The following ADGRL3 variants were observed in gnomAD, a reference collection of about 807,000 sequenced individuals.
ADGRL3 encodes the protein calcium-independent alpha-latrotoxin receptor 3.
A neutral mutation model predicts 153.5 loss-of-function variants in ADGRL3; 62 were observed. The ratio of observed to expected loss-of-function variants is 0.40; its 90% CI spans 0.33 to 0.50. The LOEUF is 0.50. ADGRL3 is among the 20% of genes least tolerant of loss of function. The pLI is 0.47. For missense variants in ADGRL3, 1,641 were observed against 1,859.4 expected, an observed-to-expected ratio of 0.88 and a Z score of 2.16; for synonymous variants, 710 against 672.5, an observed-to-expected ratio of 1.06 and a Z score of -0.86.
intron 8 of ADGRL3, among the ~76,000 whole-genome samples, chr4:61,761,694 CTG>C (rs2096914411): frequency 6.6e-6 from 1 of 152,182 alleles, no homozygotes; most frequent in Non-Finnish European, 1.5e-5. Context: ...CATTGAAAGA[CTG>C]AGATAGAAGG....
At chr4:61,664,678 A>G (rs1234059775) in intron 5 of ADGRL3, among the ~76,000 whole-genome samples, 1 of 152,222 alleles carries the variant, frequency 6.6e-6, no homozygotes, top group Non-Finnish European at 1.5e-5. Flanking sequence ...CTCATATCAT[A>G]TACATTTAAA....
intron 25 of ADGRL3, among the ~76,000 whole-genome samples, chr4:62,048,904 T>C (rs1176004288): frequency 1.3e-5 from 2 of 152,076 alleles, no homozygotes; most frequent in Admixed American, 1.3e-4. Context: ...GATCCAAAAA[T>C]GAAATGTTTA....
At chr4:61,760,019 T>G (rs761347708) in intron 8 of ADGRL3, among the ~76,000 whole-genome samples, 1 of 152,164 alleles carries the variant, frequency 6.6e-6, no homozygotes, top group Non-Finnish European at 1.5e-5. Context: ...GCTGCCTGAT[T>G]GTTCCTCTGG....
At chr4:61,874,534 G>A (rs2098462932) in intron 9 of ADGRL3, among the ~76,000 whole-genome samples, 1 of 151,772 alleles carries the variant, frequency 6.6e-6, no homozygotes, top group African/African-American at 2.4e-5. Context: ...ATCAGCAAGA[G>A]GGGCCACTCT....
intron 17 of ADGRL3, among the ~76,000 whole-genome samples, chr4:61,971,252 A>C (rs1015531195): frequency 1.3e-5 from 2 of 151,718 alleles, no homozygotes; most frequent in Non-Finnish European, 2.9e-5. Context: ...GGTGTGCTGC[A>C]CCCATTAACT....
In ADGRL3 at chr4:61,723,627, C is replaced by T. The variant is rs549265509; in HGVS notation, c.584-6995C>T. Among the ~76,000 whole-genome samples, 5 of 152,168 alleles carry T rather than the reference C, an allele frequency of 3.3e-5. No homozygotes were observed. In the South Asian group the frequency reaches 8.3e-4, roughly 25 times the overall value. ...ACCTTAGCCATTTAATGTACAGATG[C>T]AGGTCGCCATGATGTCTTGCACAGG... On this transcript the variant is annotated intron_variant, in intron 6 of 26. Coordinates refer to ENST00000683033, the MANE Select transcript of ADGRL3 (RefSeq NM_001387552.1).
chr4:61,819,422 A>T (rs943061014), intron 9 of ADGRL3, among the ~76,000 whole-genome samples: 1 of 152,054 alleles, frequency 6.6e-6, no homozygotes, highest in Non-Finnish European at 1.5e-5. Flanking sequence ...CGTATTGAAA[A>T]TATGAGCAAC....
chr4:61,788,125 G>C (rs953976529), intron 8 of ADGRL3, among the ~76,000 whole-genome samples: 1 of 152,126 alleles, frequency 6.6e-6, no homozygotes, highest in Non-Finnish European at 1.5e-5. Flanking sequence ...GAACAACCTT[G>C]CCCTAAGAAA....
At chr4:61,867,783 C>T (rs751853115) in intron 9 of ADGRL3, among the ~76,000 whole-genome samples, 1 of 151,774 alleles carries the variant, frequency 6.6e-6, no homozygotes, top group African/African-American at 2.4e-5. Context: ...CTAGAGGCCA[C>T]TTAAGCCATC....
chr4:61,274,855 A>G (rs2093385669), intron 1 of ADGRL3, among the ~76,000 whole-genome samples: 1 of 152,100 alleles, frequency 6.6e-6, no homozygotes, highest in African/African-American at 2.4e-5. Flanking sequence ...GATGGAGCCC[A>G]GAAGATCAAG....
At chr4:61,241,381 G>T (rs968018834) in intron 1 of ADGRL3, among the ~76,000 whole-genome samples, 6 of 151,906 alleles carry the variant, frequency 3.9e-5, no homozygotes, top group African/African-American at 1.4e-4. Context: ...TAGGATTTTT[G>T]ACTTTATCAG....
At chr4:61,391,303 G>T (rs187096475) in intron 2 of ADGRL3, among the ~76,000 whole-genome samples, 1 of 151,944 alleles carries the variant, frequency 6.6e-6, no homozygotes, top group Admixed American at 6.6e-5. Context: ...AGACACAGGT[G>T]GGGGTGGTGC....
At position 61,516,691 on chromosome 4, in the gene ADGRL3, G is replaced by A. The variant is rs560691367; in HGVS notation, c.56-624G>A. 3.9e-5 allele frequency among the ~76,000 whole-genome samples: 6 copies of A among 152,124 alleles called. No individual in the cohort carries two copies. The South Asian group carries it at 1.2e-3, about 32-fold the overall frequency. On this transcript the variant is annotated intron_variant, in intron 3 of 26. Transcript: ENST00000683033. ...CTGTGTATATAAATGGTAAAAATGT[G>A]TGTATATCCTTTTCACCTTAACGTC...
At chr4:61,575,545 T>C (rs1299106527) in intron 4 of ADGRL3, among the ~76,000 whole-genome samples, 1 of 151,956 alleles carries the variant, frequency 6.6e-6, no homozygotes, top group South Asian at 2.1e-4. Context: ...ATTTTTAATG[T>C]TTATCTCCTG....
chr4:61,533,582 C>T (rs2098636826), intron 4 of ADGRL3, among the ~76,000 whole-genome samples: 1 of 152,074 alleles, frequency 6.6e-6, no homozygotes, highest in African/African-American at 2.4e-5. Flanking sequence ...TCAGAGATCC[C>T]TTTCTTTGTT....
chr4:61,261,559 A>G (rs2092524420), intron 1 of ADGRL3, among the ~76,000 whole-genome samples: 1 of 152,116 alleles, frequency 6.6e-6, no homozygotes, highest in Non-Finnish European at 1.5e-5. Flanking sequence ...GACATCTGCC[A>G]GGGTGTGTGT....
chr4:61,738,078 C>T (rs1251984342), intron 8 of ADGRL3, among the ~76,000 whole-genome samples: 1 of 152,040 alleles, frequency 6.6e-6, no homozygotes, highest in Admixed American at 6.5e-5. Context: ...CCCTCATCCC[C>T]TCCCACCCTT....
At chr4:61,518,399 T>C (rs1560771931) in intron 4 of ADGRL3, among the ~76,000 whole-genome samples, 1 of 650 alleles carries the variant, frequency 1.5e-3, no homozygotes, top group African/African-American at 2.4e-3. Context: ...GGGATACACA[T>C]ATTAAGTAAT....
At chr4:61,224,382 T>C (rs1373438595) in intron 1 of ADGRL3, among the ~76,000 whole-genome samples, 2 of 152,250 alleles carry the variant, frequency 1.3e-5, no homozygotes, top group African/African-American at 4.8e-5. Context: ...AGAAACATTT[T>C]AAATGCACAG....
Sources: gnomAD v4.1 joint callset for allele counts (sites outside exome capture counted in the v4.1 genomes callset) on GRCh38, gnomAD v4.1.1 for gene constraint, MANE v1.5 for transcripts, NCBI Gene and HGNC (gene_info 2026-07-23, HGNC 2026-07-21) for gene names.